Variants in CMKLR1 observed in about 807,000 individuals in gnomAD.
The protein encoded by CMKLR1 is chemerin-like receptor 1.
A neutral mutation model predicts 8.2 loss-of-function variants in CMKLR1; 6 were observed. The ratio of observed to expected loss-of-function variants is 0.73; its 90% CI spans 0.40 to 1.44. CMKLR1 has a LOEUF of 1.44. CMKLR1 is among the 40% of genes most tolerant of loss of function. The pLI is 0.02. For missense variants in CMKLR1, 429 were observed against 478.0 expected (o/e 0.90, Z 0.96); for synonymous variants, 178 against 181.2 (o/e 0.98, Z 0.14).
intron 2 of CMKLR1, among the ~76,000 whole-genome samples, chr12:108,320,259 T>C (rs960389649): frequency 6.6e-5 from 10 of 151,462 alleles, no homozygotes; most frequent in Non-Finnish European, 8.8e-5. Flanking sequence ...CTGTGTGGAG[T>C]AGAGGTAGAG....
At chr12:108,301,024 T>C (rs1891254095) in intron 2 of CMKLR1, among the ~76,000 whole-genome samples, 1 of 151,654 alleles carries the variant, frequency 6.6e-6, no homozygotes, top group South Asian at 2.1e-4. Flanking sequence ...ATGTTGCTAT[T>C]GTTGTTGTCA....
At chr12:108,320,180 T>C (rs541124623) in intron 2 of CMKLR1, among the ~76,000 whole-genome samples, 267 of 152,106 alleles carry the variant, frequency 1.8e-3, no homozygotes, top group African/African-American at 6.2e-3. Flanking sequence ...CACTTTCACA[T>C]GATACAGCTG....
rs374786335 is a variant in CMKLR1, at chr12:108,293,833, A to G, written c.-73-169T>C. ...ATTCAGCCAAGGTTATGCAGCCAGGAAGGGATGGAGCCCCTTGAACCTAGG... is the reference window on the plus strand; with the variant it reads ...ATTCAGCCAAGGTTATGCAGCCAGGGAGGGATGGAGCCCCTTGAACCTAGG... On this transcript the variant is annotated intron_variant, in intron 2 of 3. Coordinates refer to ENST00000550402, the MANE Select transcript of CMKLR1 (RefSeq NM_001142343.2). Among the ~76,000 whole-genome samples the G allele has an allele frequency of 1.1e-4, 16 of 152,224 alleles. No individual in the cohort carries two copies. The East Asian group carries it at 2.7e-3, about 26-fold the overall frequency.
intron 2 of CMKLR1, among the ~76,000 whole-genome samples, chr12:108,298,437 T>C (rs942925368): frequency 6.6e-6 from 1 of 152,204 alleles, no homozygotes; most frequent in Admixed American, 6.5e-5. Context: ...CTGGGTTTGC[T>C]CTGACTATGA....
intron 2 of CMKLR1, among the ~76,000 whole-genome samples, chr12:108,306,718 A>G (rs1377393730): frequency 6.6e-6 from 1 of 152,176 alleles, no homozygotes; most frequent in Non-Finnish European, 1.5e-5. Flanking sequence ...ATGCCTTACT[A>G]TGGCCTGAGC....
chr12:108,327,215 T>C, intron 2 of CMKLR1, among the ~76,000 whole-genome samples: 1 of 152,234 alleles, frequency 6.6e-6, no homozygotes, highest in East Asian at 1.9e-4. Flanking sequence ...CGGTGGCTCA[T>C]GCCTATAACT....
rs1160663519 is a variant in CMKLR1 at position 108,329,316 on chromosome 12, C to A, written c.-74+679G>T. Among the ~76,000 whole-genome samples, 3 of 152,284 alleles carry A rather than the reference C, an allele frequency of 2.0e-5. No homozygotes were observed. The East Asian group carries it at 5.8e-4, about 29-fold the overall frequency. ...GCTTCCTGCCCACCACGCCAGACTC[C>A]CTGCACTCATCAAGTCTCTGGATCT... On this transcript the variant is annotated intron_variant, in intron 2 of 3. Transcript: ENST00000550402.
intron 3 of CMKLR1, 84 bp from the exon 4 acceptor site, chr12:108,293,043 C>T (rs1039629989): frequency 9.3e-6 from 12 of 1,292,706 alleles, no homozygotes; most frequent in Non-Finnish European, 1.3e-5. Flanking sequence ...CAACAATGTT[C>T]CCCCTGACTC....
intron 2 of CMKLR1, among the ~76,000 whole-genome samples, chr12:108,326,755 A>C (rs1415728228): frequency 6.6e-6 from 1 of 152,208 alleles, no homozygotes; most frequent in African/African-American, 2.4e-5. Flanking sequence ...GCTGGGGGCT[A>C]GAGCGGAGGA....
At chr12:108,338,481 A>G (rs1317982296) in intron 1 of CMKLR1, among the ~76,000 whole-genome samples, 1 of 152,210 alleles carries the variant, frequency 6.6e-6, no homozygotes, top group Non-Finnish European at 1.5e-5. Context: ...AGTATGTGAG[A>G]ATACTGTGCC....
intron 2 of CMKLR1, among the ~76,000 whole-genome samples, chr12:108,312,413 A>T (rs576249200): frequency 6.6e-6 from 1 of 152,228 alleles, no homozygotes; most frequent in South Asian, 2.1e-4. Flanking sequence ...CGGCTTCTCC[A>T]TGGGGAAGAG....
At chr12:108,308,978 AG>A (rs1175372193) in intron 2 of CMKLR1, among the ~76,000 whole-genome samples, 1 of 152,164 alleles carries the variant, frequency 6.6e-6, no homozygotes, top group Non-Finnish European at 1.5e-5. Context: ...ATAATAAGGA[AG>A]ACAAACACAT....
In CMKLR1 at chr12:108,335,521, G is replaced by A. The variant is rs190361292; in HGVS notation, c.-287+3506C>T. Among the ~76,000 whole-genome samples, 31 of 152,330 alleles carry A rather than the reference G, an allele frequency of 2.0e-4. 3 individuals carry two copies. The highest frequency in any genetic ancestry group is 7.2e-4 in the African/African-American group (30 of 41,576). The stretch of plus-strand genomic sequence containing the variant: ...TATAATAAAGCTCTGCTTTGCTTCA[G>A]CCCTTATGCCTTTGGGGACCTATTT... On this transcript the variant is annotated intron_variant, in intron 1 of 3. Coordinates refer to ENST00000550402, the MANE Select transcript of CMKLR1 (RefSeq NM_001142343.2).
At chr12:108,321,322 T>C (rs1171934784) in intron 2 of CMKLR1, among the ~76,000 whole-genome samples, 2 of 152,128 alleles carry the variant, frequency 1.3e-5, no homozygotes, top group East Asian at 3.8e-4. Flanking sequence ...TTTACAGCTA[T>C]GCAGGAGGCT....
chr12:108,328,790 C>G (rs1892040694), intron 2 of CMKLR1, among the ~76,000 whole-genome samples: 1 of 152,244 alleles, frequency 6.6e-6, no homozygotes, highest in African/African-American at 2.4e-5. Context: ...CTGGGTTAGT[C>G]TGGCTGCTGC....
Position 108,291,886 on chromosome 12 carries a change from C to G in CMKLR1, c.1077G>C (p.Met359Ile). 6.2e-7 allele frequency: 1 copy of G among 1,614,092 alleles called. No individual in the cohort carries two copies. ...SHRSFTKMSS[M>I]NERTSMNERE... Reference sequence around the variant, plus strand: ...TCTCATTCATAGAAGTCCTCTCATTCATTGATGACATCTTGGTAAAGCTTC... The same window carrying G: ...TCTCATTCATAGAAGTCCTCTCATTGATTGATGACATCTTGGTAAAGCTTC... The change falls in exon 4 of 4, where the codon ATG (methionine) becomes ATC (isoleucine). Residue 359 changes from methionine to isoleucine, a missense_variant. Coordinates refer to ENST00000550402, the MANE Select transcript of CMKLR1 (RefSeq NM_001142343.2).
intron 2 of CMKLR1, among the ~76,000 whole-genome samples, chr12:108,321,119 A>C (rs1891851994): frequency 6.6e-6 from 1 of 152,170 alleles, no homozygotes; most frequent in South Asian, 2.1e-4. Context: ...GTGGGATCAG[A>C]CTGAAGCTAG....
chr12:108,302,505 G>A (rs1891303371), intron 2 of CMKLR1, among the ~76,000 whole-genome samples: 1 of 152,142 alleles, frequency 6.6e-6, no homozygotes, highest in Admixed American at 6.6e-5. Flanking sequence ...GTGGGAGGAG[G>A]CCAGGCAGGG....
At chr12:108,302,991 AAAAC>A (rs891693699) in intron 2 of CMKLR1, among the ~76,000 whole-genome samples, 23 of 152,196 alleles carry the variant, frequency 1.5e-4, no homozygotes, top group African/African-American at 2.7e-4. Context: ...AGGAAACCCC[AAAAC>A]AAACAAACAA....
Sources: gnomAD v4.1 joint callset for allele counts (sites outside exome capture counted in the v4.1 genomes callset) on GRCh38, gnomAD v4.1.1 for gene constraint, MANE v1.5 for transcripts, NCBI Gene and HGNC (gene_info 2026-07-23, HGNC 2026-07-21) for gene names.